The following SRFBP1 variants were observed in gnomAD, a reference collection of about 807,000 sequenced individuals.
SRFBP1 encodes serum response factor binding protein 1.
Under a neutral mutation model 45.5 loss-of-function variants are expected in SRFBP1, and 47 were observed. The ratio of observed to expected loss-of-function variants is 1.03; its 90% CI spans 0.82 to 1.32. The LOEUF (loss-of-function observed/expected upper bound fraction) is 1.32, where lower values mean the gene tolerates loss of function less well. SRFBP1 is among the 40% of genes most tolerant of loss of function. SRFBP1 has a pLI of 0.00. For missense variants in SRFBP1, 621 were observed against 484.6 expected, an observed-to-expected ratio of 1.28 and a Z score of -2.64; for synonymous variants, 203 against 166.3, an observed-to-expected ratio of 1.22 and a Z score of -1.70.
intron 3 of SRFBP1, among the ~76,000 whole-genome samples, chr5:121,993,272 CAT>C (rs1161860414): frequency 2.6e-5 from 4 of 152,078 alleles, no homozygotes; most frequent in Non-Finnish European, 5.9e-5. Context: ...TATGAAAAAA[CAT>C]ATGTATATAT....
intron 2 of SRFBP1, among the ~76,000 whole-genome samples, chr5:122,052,520 C>A (rs1754007114): frequency 6.6e-6 from 1 of 152,126 alleles, no homozygotes; most frequent in Non-Finnish European, 1.5e-5. Context: ...TGAGATTCCT[C>A]CCTCAGCTTG....
chr5:121,974,877 A>G (rs1044932403), intron 2 of SRFBP1, among the ~76,000 whole-genome samples: 1 of 151,888 alleles, frequency 6.6e-6, no homozygotes, highest in African/African-American at 2.4e-5. Context: ...TTAATTTCCT[A>G]TTCTTTCATA....
chr5:122,077,164 A>C (rs970055786), downstream of SRFBP1: 2 of 1,465,540 alleles, frequency 1.4e-6, no homozygotes, highest in South Asian at 2.8e-5. This position sits in a 1 kb window ranked among gnomAD's most constrained non-coding sequence, Gnocchi z 4.9. Context: ...ACTGCAAAGC[A>C]ATGTGAAAAG....
chr5:121,965,701 A>G (rs1752048488), intron 1 of SRFBP1, among the ~76,000 whole-genome samples: 1 of 152,130 alleles, frequency 6.6e-6, no homozygotes, highest in Non-Finnish European at 1.5e-5. Flanking sequence ...ATGAACTTTA[A>G]AGTAGTTTTT....
intron 2 of SRFBP1, among the ~76,000 whole-genome samples, chr5:122,062,727 C>A (rs1340867502): frequency 6.6e-6 from 1 of 151,950 alleles, no homozygotes; most frequent in Middle Eastern, 3.2e-3. Flanking sequence ...GTTGTTCCCC[C>A]AAAACACTTG....
intron 4 of SRFBP1, among the ~76,000 whole-genome samples, chr5:122,001,411 T>TTTTTTA (rs991024659): frequency 2.0e-5 from 3 of 149,312 alleles, no homozygotes; most frequent in South Asian, 2.1e-4. Flanking sequence ...TTTATTTTTA[T>TTTTTTA]TTTTTATTTT....
intron 1 of SRFBP1, among the ~76,000 whole-genome samples, chr5:121,972,760 G>A (rs777768268): frequency 6.6e-6 from 1 of 151,860 alleles, no homozygotes; most frequent in African/African-American, 2.4e-5. Flanking sequence ...TGTGATCACA[G>A]TGTGGAATAT....
chr5:122,062,564 G>A lies in SRFBP1; in HGVS notation n.312-12751G>A, dbSNP rs114724479. Among the ~76,000 whole-genome samples, 708 of 152,154 alleles carry A rather than the reference G, an allele frequency of 4.7e-3. 9 individuals are homozygous for A. Among genetic ancestry groups the A allele is most frequent in the African/African-American group, 0.016 (675 of 41,552 alleles). On this transcript the variant is annotated intron_variant and non_coding_transcript_variant, in intron 2 of 2. Transcript: ENST00000504881. ...TAACAAAAGCATATTCAGATGCTTT[G>A]CCTTGAGCAGGAGATAGAAGCAGGA...
At chr5:122,009,442 C>A (rs375066093) in intron 4 of SRFBP1, among the ~76,000 whole-genome samples, 1 of 151,866 alleles carries the variant, frequency 6.6e-6, no homozygotes, top group South Asian at 2.1e-4. Context: ...TGTTTTCTGC[C>A]TACTTTTATT....
chr5:122,077,822 A>AACACCTGCCCT, downstream of SRFBP1: 1 of 1,552,390 alleles, frequency 6.4e-7, no homozygotes, highest in Non-Finnish European at 8.7e-7. This position sits in a 1 kb window ranked among gnomAD's most constrained non-coding sequence, Gnocchi z 4.9. Flanking sequence ...CAGCAAGCTG[A>AACACCTGCCCT]ACACCTGCCC....
chr5:122,051,680 C>T (rs944025644), intron 2 of SRFBP1, among the ~76,000 whole-genome samples: 2 of 151,386 alleles, frequency 1.3e-5, no homozygotes, highest in African/African-American at 4.9e-5. Flanking sequence ...TCTTGAAAAC[C>T]CTTCTTGGGT....
chr5:122,026,840 CAA>C (rs1753491073), intron 7 of SRFBP1, 100 bp from the exon 8 acceptor site: 1 of 821,696 alleles, frequency 1.2e-6, no homozygotes, highest in Admixed American at 3.7e-5. Flanking sequence ...TTTAAGAAAA[CAA>C]AATTTCTTTT....
downstream of SRFBP1, among the ~76,000 whole-genome samples, chr5:122,078,661 G>A (rs557852385): frequency 2.0e-5 from 3 of 151,944 alleles, no homozygotes; most frequent in East Asian, 5.8e-4. Flanking sequence ...TGCTGGGGGT[G>A]AGAGGGGGGC....
At chr5:122,042,354 G>A (rs895111996) in intron 2 of SRFBP1, among the ~76,000 whole-genome samples, 2 of 152,008 alleles carry the variant, frequency 1.3e-5, no homozygotes, top group African/African-American at 4.8e-5. Flanking sequence ...GCAGCCTTGA[G>A]CTCCAGGGTT....
At chr5:122,077,146 CG>C, downstream of SRFBP1, 4 of 1,469,754 alleles carry the variant, frequency 2.7e-6, no homozygotes, top group Non-Finnish European at 3.6e-6. The surrounding 1 kb of genome is among the most constrained non-coding windows in gnomAD (Gnocchi z 4.9). Flanking sequence ...GAACTGGGGA[CG>C]CCCGGGACTG....
chr5:121,998,412 A>G (rs1414887280), intron 4 of SRFBP1, among the ~76,000 whole-genome samples: 2 of 145,380 alleles, frequency 1.4e-5, no homozygotes, highest in Admixed American at 6.9e-5. Flanking sequence ...AACTATCGCA[A>G]GAACAAAAAA....
chr5:121,990,917 T>C (rs534458478), intron 3 of SRFBP1, among the ~76,000 whole-genome samples: 1 of 152,212 alleles, frequency 6.6e-6, no homozygotes, highest in Non-Finnish European at 1.5e-5. Context: ...CAGAAAGCTA[T>C]AATGATTCTT....
intron 4 of SRFBP1, among the ~76,000 whole-genome samples, chr5:122,006,630 A>G (rs1181943627): frequency 6.6e-6 from 1 of 151,978 alleles, no homozygotes; most frequent in Non-Finnish European, 1.5e-5. Flanking sequence ...ATATTTTCAC[A>G]TAACCTATTT....
intron 2 of SRFBP1, among the ~76,000 whole-genome samples, 180 bp from the exon 3 acceptor site, chr5:121,975,135 T>G (rs1400069630): frequency 6.6e-6 from 1 of 151,952 alleles, no homozygotes; most frequent in South Asian, 2.1e-4. Context: ...CATATGGGTT[T>G]GGTTAGTAAA....
Sources: allele counts gnomAD v4.1 joint callset (sites outside exome capture counted in the v4.1 genomes callset), GRCh38; gene constraint gnomAD v4.1.1; non-coding constraint Gnocchi (gnomAD v3.1); transcripts MANE v1.5; gene names NCBI Gene and HGNC (gene_info 2026-07-23, HGNC 2026-07-21).